Variants in PCDH15 observed in about 807,000 individuals in gnomAD.
PCDH15 encodes protocadherin related 15.
A neutral mutation model predicts 178.5 loss-of-function variants in PCDH15; 129 were observed. The observed-to-expected ratio is 0.72, with a 90% CI of 0.63 to 0.84. The LOEUF (loss-of-function observed/expected upper bound fraction) is 0.84. Ranked by LOEUF, PCDH15 falls within the 40% of genes least tolerant of loss-of-function variation. The pLI, the probability that PCDH15 is intolerant of heterozygous loss-of-function variation, is 0.00. For missense variants in PCDH15, 2,230 were observed against 2,099.9 expected (o/e 1.06, Z -1.21); for synonymous variants, 800 against 732.0 (o/e 1.09, Z -1.50).
At chr10:54,735,141 C>T (rs1016258543) in intron 1 of PCDH15, among the ~76,000 whole-genome samples, 88 of 152,072 alleles carry the variant, frequency 5.8e-4, no homozygotes, top group African/African-American at 2.0e-3. Flanking sequence ...TAGAAATTCT[C>T]ATGTTAAATC....
chr10:55,615,744 T>C (rs1032056073), intron 2 of PCDH15, among the ~76,000 whole-genome samples: 1 of 152,134 alleles, frequency 6.6e-6, no homozygotes, highest in African/African-American at 2.4e-5. Context: ...CCAGTCATAG[T>C]GGCTGGCACC....
chr10:54,977,285 A>G lies in PCDH15; in HGVS notation c.-79-79785T>C, dbSNP rs1839096223. 2.6e-5 allele frequency among the ~76,000 whole-genome samples: 4 copies of G among 152,290 alleles called. No individual in the cohort carries two copies. The South Asian group carries it at 8.3e-4, about 32-fold the overall frequency. ...AAAGAAGGTCAGTAGGACTGGTTTCATAAGACACAGGTCATAAGATACAGG... is the reference window on the plus strand; with the variant it reads ...AAAGAAGGTCAGTAGGACTGGTTTCGTAAGACACAGGTCATAAGATACAGG... On this transcript the variant is annotated intron_variant, in intron 2 of 5. Transcript: ENST00000458638.
At chr10:54,555,249 G>A (rs951893911) in intron 2 of PCDH15, among the ~76,000 whole-genome samples, 1 of 152,094 alleles carries the variant, frequency 6.6e-6, no homozygotes, top group African/African-American at 2.4e-5. Context: ...AAAGTATTTA[G>A]GAGATGAGTA....
intron 2 of PCDH15, among the ~76,000 whole-genome samples, chr10:54,580,642 G>A (rs1379647508): frequency 6.6e-6 from 1 of 151,376 alleles, no homozygotes; most frequent in African/African-American, 2.4e-5. Context: ...GATAAACAAT[G>A]AAAAAAAGAA....
chr10:55,434,080 T>TC (rs1565134946), intron 2 of PCDH15, among the ~76,000 whole-genome samples: 1 of 125,866 alleles, frequency 7.9e-6, no homozygotes, highest in African/African-American at 3.3e-5. Flanking sequence ...TTCTTTTCTT[T>TC]TTTTTTTTTT....
intron 1 of PCDH15, among the ~76,000 whole-genome samples, chr10:55,297,013 T>G (rs1843149112): frequency 6.6e-6 from 1 of 152,158 alleles, no homozygotes; most frequent in Non-Finnish European, 1.5e-5. Flanking sequence ...TCTTATTTTT[T>G]CAATGAATAT....
intron 29 of PCDH15, 112 bp downstream of exon 29, chr10:53,840,208 T>C: frequency 7.7e-7 from 1 of 1,296,398 alleles, no homozygotes; most frequent in East Asian, 2.3e-5. Flanking sequence ...CACTTCACTT[T>C]CAGTAACTAT....
At chr10:53,947,761 G>T (rs144004907) in intron 23 of PCDH15, among the ~76,000 whole-genome samples, 1 of 152,132 alleles carries the variant, frequency 6.6e-6, no homozygotes, top group African/African-American at 2.4e-5. Context: ...TGCTTTTTAC[G>T]TATGTTCCAA....
intron 1 of PCDH15, among the ~76,000 whole-genome samples, chr10:54,792,404 G>A (rs1351206181): frequency 3.3e-5 from 5 of 151,912 alleles, no homozygotes; most frequent in Admixed American, 6.6e-5. Flanking sequence ...GAATGGTTTT[G>A]TGTGTCAACT....
At chr10:54,683,397 A>G (rs1158574528) in intron 1 of PCDH15, among the ~76,000 whole-genome samples, 2 of 151,866 alleles carry the variant, frequency 1.3e-5, no homozygotes, top group Non-Finnish European at 2.9e-5. Flanking sequence ...TTTCTCTATT[A>G]ATTTGACTAT....
At chr10:53,896,202 C>T (rs2081938243) in intron 26 of PCDH15, among the ~76,000 whole-genome samples, 1 of 151,550 alleles carries the variant, frequency 6.6e-6, no homozygotes, top group African/African-American at 2.4e-5. Context: ...GACAAATAAA[C>T]CACAGTTATT....
At chr10:54,198,234 C>T (rs77251754) in intron 10 of PCDH15, among the ~76,000 whole-genome samples, 2 of 152,112 alleles carry the variant, frequency 1.3e-5, no homozygotes, top group East Asian at 3.9e-4. Flanking sequence ...TAGGAGTTAC[C>T]CCTGTGACAC....
intron 36 of PCDH15, among the ~76,000 whole-genome samples, chr10:53,811,095 T>A (rs2075848396): frequency 6.6e-6 from 1 of 152,202 alleles, no homozygotes; most frequent in African/African-American, 2.4e-5. Flanking sequence ...TTCAGTATTT[T>A]TTTTGAAAGT....
At chr10:54,309,341 AC>A in intron 8 of PCDH15, among the ~76,000 whole-genome samples, 1 of 151,696 alleles carries the variant, frequency 6.6e-6, no homozygotes, top group Admixed American at 6.6e-5. Context: ...ACACACACAC[AC>A]ACACACACAC....
intron 23 of PCDH15, among the ~76,000 whole-genome samples, chr10:53,956,973 TTA>T (rs2087674555): frequency 1.3e-5 from 2 of 152,188 alleles, no homozygotes; most frequent in African/African-American, 4.8e-5. Context: ...GCAAAGATAC[TTA>T]ATAAAGAAAG....
Position 53,889,164 on chromosome 10 carries a change from A to AATG in PCDH15, c.3501+14078_3501+14079insCAT, listed in dbSNP as rs552196586. 7.2e-5 allele frequency among the ~76,000 whole-genome samples: 11 copies of AATG among 152,190 alleles called. No homozygotes were observed. In the South Asian group the frequency reaches 2.3e-3, roughly 32 times the overall value. ...AAAAGTCATGTTTTTGTGTTACTCA[A>AATG]AGAGCTTTTAAACAAGACAAAAAGT... is the stretch of plus-strand genomic sequence containing the variant. On this transcript the variant is annotated intron_variant, in intron 26 of 37. Coordinates refer to ENST00000644397, the MANE Select transcript of PCDH15 (RefSeq NM_001384140.1).
At chr10:54,226,493 G>A (rs1337223537) in intron 9 of PCDH15, among the ~76,000 whole-genome samples, 1 of 152,166 alleles carries the variant, frequency 6.6e-6, no homozygotes, top group Non-Finnish European at 1.5e-5. Context: ...TGTGTCAGGA[G>A]TTCGAGACCA....
rs1838518035 is a variant in PCDH15, at chr10:55,146,547, T to C, written c.-80+20029A>G. On this transcript the variant is annotated intron_variant, in intron 2 of 5. Coordinates refer to the PCDH15 transcript ENST00000458638. ...AGCCCCTATACTCAGGTTTCTGCTA[T>C]AGCGTTCTGTAACACGTGATAATTT... Among the ~76,000 whole-genome samples, 3 of 152,020 alleles carry C rather than the reference T, an allele frequency of 2.0e-5. No individual in the cohort carries two copies. In the South Asian group the frequency reaches 6.2e-4, roughly 32 times the overall value.
At chr10:55,548,420 T>C (rs1429959389) in intron 2 of PCDH15, among the ~76,000 whole-genome samples, 1 of 152,102 alleles carries the variant, frequency 6.6e-6, no homozygotes, top group African/African-American at 2.4e-5. Context: ...ATTTGAGTTC[T>C]ATATGGAAAG....
Sources: allele counts gnomAD v4.1 joint callset (sites outside exome capture counted in the v4.1 genomes callset), GRCh38; gene constraint gnomAD v4.1.1; transcripts MANE v1.5; gene names NCBI Gene and HGNC (gene_info 2026-07-23, HGNC 2026-07-21).